USP48: variants seen among roughly 807,000 people sequenced by gnomAD.
USP48 encodes ubiquitin carboxyl-terminal hydrolase 48.
USP48 carries 43 observed loss-of-function variants against 150.7 expected under a neutral mutation model. That is an observed-to-expected ratio of 0.29 (90% CI 0.22 to 0.37). The LOEUF (loss-of-function observed/expected upper bound fraction) is 0.37. USP48 is among the 10% of genes least tolerant of loss of function. The pLI, the probability that USP48 is intolerant of heterozygous loss-of-function variation, is 1.00. For missense variants in USP48, 813 were observed against 1,249.6 expected, an observed-to-expected ratio of 0.65 and a Z score of 5.27; for synonymous variants, 396 against 425.9, an observed-to-expected ratio of 0.93 and a Z score of 0.86.
At position 21,757,746 on chromosome 1, in the gene USP48, T is replaced by A; in HGVS notation, c.172A>T (p.Ile58Phe). ...CKGNPNCLVGIGEHIWLGEID... is the reference protein window; with the variant it reads ...CKGNPNCLVGFGEHIWLGEID... Reference sequence around the variant, plus strand: ...TCTCCTAACCAAATATGCTCACCAATACCAACCAAGCAATTCGGATTTCCT... The same window carrying A: ...TCTCCTAACCAAATATGCTCACCAAAACCAACCAAGCAATTCGGATTTCCT... The change falls in exon 2 of 27, where the codon ATT becomes TTT. Residue 58 changes from isoleucine to phenylalanine, a missense_variant. Physicochemically the swap from Ile to Phe is conservative, Grantham distance 21 (BLOSUM62 0). Transcript: ENST00000308271. The A allele has an allele frequency of 1.2e-6, 2 of 1,611,380 alleles. No homozygotes were observed. The highest frequency in any genetic ancestry group is 1.7e-6 in the Non-Finnish European group (2 of 1,179,158).
chr1:21,708,970 C>T (rs920251852), intron 15 of USP48, among the ~76,000 whole-genome samples: 1 of 150,634 alleles, frequency 6.6e-6, no homozygotes, highest in Non-Finnish European at 1.5e-5. Flanking sequence ...AGTACAGTGG[C>T]ACGATCATAG....
intron 9 of USP48, among the ~76,000 whole-genome samples, chr1:21,733,713 T>G (rs921899721): frequency 6.6e-6 from 1 of 152,098 alleles, no homozygotes; most frequent in Non-Finnish European, 1.5e-5. Flanking sequence ...AATCCTAGAA[T>G]GTAGATAGAT....
intron 8 of USP48, among the ~76,000 whole-genome samples, chr1:21,746,569 G>T (rs966735800): frequency 2.0e-5 from 3 of 152,042 alleles, no homozygotes; most frequent in Non-Finnish European, 4.4e-5. Context: ...ACTACCAAAA[G>T]AAAAAAGCAG....
At chr1:21,776,813 G>C (rs920081813) in intron 1 of USP48, among the ~76,000 whole-genome samples, 1 of 152,074 alleles carries the variant, frequency 6.6e-6, no homozygotes, top group Admixed American at 6.6e-5. Context: ...AATTAGCCGG[G>C]CGTGGTGCCT....
At chr1:21,745,983 T>G (rs1475249809) in intron 8 of USP48, among the ~76,000 whole-genome samples, 3 of 152,232 alleles carry the variant, frequency 2.0e-5, no homozygotes, top group Non-Finnish European at 4.4e-5. Flanking sequence ...TAAAGTACAG[T>G]ACTGAAGAGT....
At position 21,704,337 on chromosome 1, in the gene USP48, C is replaced by G; in HGVS notation, c.2440G>C (p.Asp814His). The G allele has an allele frequency of 6.2e-7, 1 of 1,613,912 alleles. No homozygotes were observed. Among genetic ancestry groups the G allele is most frequent in the Non-Finnish European group, 8.5e-7 (1 of 1,179,960 alleles). Residue 814 changes from aspartate (D) to histidine (H), a missense_variant, in exon 20 of 27, where the codon GAT becomes CAT. By Grantham distance (81) the Asp-to-His change is moderately conservative (BLOSUM62 -1). Coordinates refer to ENST00000308271, the MANE Select transcript of USP48 (RefSeq NM_032236.8). ...WQMIQKLFVV[D>H]HVIKITRIEV... is the part of the protein sequence containing the mutation. ...ATTCTCGTGATTTTAATTACATGAT[C>G]CACAACAAAGAGCTTTTGTATCATT... is the stretch of plus-strand genomic sequence containing the variant.
At chr1:21,708,903 G>GAAAGA (rs1272167405) in intron 15 of USP48, among the ~76,000 whole-genome samples, 4 of 50,092 alleles carry the variant, frequency 8.0e-5, no homozygotes, top group African/African-American at 1.8e-4. Flanking sequence ...AAAAAAAAAA[G>GAAAGA]AAAGAAAAGA....
intron 15 of USP48, among the ~76,000 whole-genome samples, chr1:21,708,804 G>C (rs938876780): frequency 7.1e-6 from 1 of 140,992 alleles, no homozygotes; most frequent in African/African-American, 2.6e-5. Context: ...AGAATCGCTT[G>C]AACCCGGGAG....
chr1:21,679,512 G>A (rs1190762490), intron 26 of USP48, 73 bp from the exon 27 acceptor site: 10 of 1,567,326 alleles, frequency 6.4e-6, no homozygotes, highest in Non-Finnish European at 8.8e-6. Context: ...CATTTACCAA[G>A]AACACATCAT....
intron 25 of USP48, chr1:21,685,794 G>C (rs970410384): frequency 6.6e-6 from 1 of 152,094 alleles, no homozygotes; most frequent in South Asian, 2.1e-4. Flanking sequence ...AGAGTGTTTT[G>C]GTGGCGTCTT....
chr1:21,758,278 C>T (rs2097841949), intron 1 of USP48, among the ~76,000 whole-genome samples: 1 of 151,216 alleles, frequency 6.6e-6, no homozygotes, highest in African/African-American at 2.4e-5. Context: ...ATCCAGGACA[C>T]ATTATTAAGT....
At chr1:21,689,574 G>C (rs1187016301) in intron 24 of USP48, among the ~76,000 whole-genome samples, 1 of 152,124 alleles carries the variant, frequency 6.6e-6, no homozygotes, top group Non-Finnish European at 1.5e-5. Flanking sequence ...CTTAGCAGTT[G>C]GGTGAGTGGG....
At chr1:21,705,034 A>G (rs2097668206) in intron 19 of USP48, among the ~76,000 whole-genome samples, 2 of 151,978 alleles carry the variant, frequency 1.3e-5, no homozygotes. Context: ...AGGGAGGGAG[A>G]GAAAGAGGAG....
At chr1:21,714,202 C>G (rs993526107) in intron 15 of USP48, among the ~76,000 whole-genome samples, 1 of 152,176 alleles carries the variant, frequency 6.6e-6, no homozygotes, top group South Asian at 2.1e-4. Context: ...TACCACATAA[C>G]AAGAAACACA....
chr1:21,755,441 GTT>G, intron 3 of USP48, among the ~76,000 whole-genome samples: 1 of 152,094 alleles, frequency 6.6e-6, no homozygotes, highest in Middle Eastern at 3.4e-3. Context: ...CATGCCTGTA[GTT>G]CCAACTACTC....
rs373175026 is a variant in USP48 at position 21,717,224 on chromosome 1, C to T, written c.1895-1767G>A. On this transcript the variant is annotated intron_variant, in intron 14 of 26. Coordinates refer to ENST00000308271, the MANE Select transcript of USP48 (RefSeq NM_032236.8). ...TTCAAGACCAGCCTGAGCAACATGGCGAAACCCCATCTCTACAAAAAGTAC... is the reference window on the plus strand; with the variant it reads ...TTCAAGACCAGCCTGAGCAACATGGTGAAACCCCATCTCTACAAAAAGTAC... Among the ~76,000 whole-genome samples, 14 of 151,604 alleles carry T rather than the reference C, an allele frequency of 9.2e-5. No individual in the cohort carries two copies. The East Asian group carries it at 1.2e-3, about 13-fold the overall frequency.
intron 9 of USP48, among the ~76,000 whole-genome samples, chr1:21,732,344 C>T (rs934405125): frequency 2.0e-5 from 3 of 152,126 alleles, no homozygotes; most frequent in East Asian, 1.9e-4. Context: ...CAATTCACCA[C>T]GTGCTTTTCT....
At chr1:21,680,461 T>C (rs2097562859) in intron 26 of USP48, among the ~76,000 whole-genome samples, 1 of 152,216 alleles carries the variant, frequency 6.6e-6, no homozygotes, top group Non-Finnish European at 1.5e-5. Flanking sequence ...ACTGTTTTGC[T>C]CTAGGAGGGG....
At chr1:21,733,720 A>AG (rs1385728288) in intron 9 of USP48, among the ~76,000 whole-genome samples, 7 of 152,224 alleles carry the variant, frequency 4.6e-5, no homozygotes. Context: ...GAATGTAGAT[A>AG]GATTTTAAAA....
Sources: gnomAD v4.1 joint callset for allele counts (sites outside exome capture counted in the v4.1 genomes callset) on GRCh38, gnomAD v4.1.1 for gene constraint, MANE v1.5 for transcripts, NCBI Gene and HGNC (gene_info 2026-07-23, HGNC 2026-07-21) for gene names.